The following CDC73 variants were observed in gnomAD, a reference collection of about 807,000 sequenced individuals.
The protein encoded by CDC73 is parafibromin.
CDC73 carries 21 observed loss-of-function variants against 83.7 expected under a neutral mutation model. The ratio of observed to expected loss-of-function variants is 0.25; its 90% CI spans 0.18 to 0.36. CDC73 has a LOEUF of 0.36. Ranked by LOEUF, CDC73 falls within the 10% of genes least tolerant of loss-of-function variation. The probability of loss-of-function intolerance (pLI) is 1.00; values close to 1 mark genes in which losing one functional copy is unlikely to be tolerated. For missense variants in CDC73, 342 were observed against 653.3 expected, an observed-to-expected ratio of 0.52 and a Z score of 5.19; for synonymous variants, 224 against 212.9, an observed-to-expected ratio of 1.05 and a Z score of -0.45.
chr1:193,210,631 G>A (rs929122447), intron 11 of CDC73, among the ~76,000 whole-genome samples: 24 of 152,132 alleles, frequency 1.6e-4, no homozygotes, highest in African/African-American at 5.3e-4. Flanking sequence ...GCTCACCTGT[G>A]TAATCCCAGC....
At chr1:193,167,970 C>T (rs1056949658) in intron 10 of CDC73, among the ~76,000 whole-genome samples, 3 of 152,084 alleles carry the variant, frequency 2.0e-5, no homozygotes, top group Admixed American at 1.3e-4. Context: ...AAGCAGTTCT[C>T]CTGCCTCAGC....
chr1:193,136,997 T>C (rs1375767171), intron 5 of CDC73, among the ~76,000 whole-genome samples: 1 of 152,092 alleles, frequency 6.6e-6, no homozygotes. Flanking sequence ...TTTTTCCAAA[T>C]CATTTGTGGG....
intron 10 of CDC73, among the ~76,000 whole-genome samples, chr1:193,193,864 A>G (rs192672965): frequency 2.0e-5 from 3 of 151,510 alleles, no homozygotes. Flanking sequence ...GTAGTTAAGT[A>G]TACATACAGA....
At position 193,170,623 on chromosome 1, in the gene CDC73, TTTG is replaced by T. The variant is rs571750362; in HGVS notation, c.972+18194_972+18196del. On this transcript the variant is annotated intron_variant, in intron 10 of 16. Transcript: ENST00000367435. Reference sequence around the variant, plus strand: ...GCCCTTTGCCTACTTTTTAATGATTTTTGTTGTTGTTGTTGTTTATTTGTTTAA... The same window carrying T: ...GCCCTTTGCCTACTTTTTAATGATTTTTGTTGTTGTTGTTTATTTGTTTAA... Among the ~76,000 whole-genome samples, 67 of 152,272 alleles carry T rather than the reference TTTG, an allele frequency of 4.4e-4. 1 individual carries two copies. The highest frequency in any genetic ancestry group is 1.7e-3 in the East Asian group (9 of 5,182).
chr1:193,145,233 A>C (rs1041486657), intron 7 of CDC73, among the ~76,000 whole-genome samples: 3 of 152,210 alleles, frequency 2.0e-5, no homozygotes, highest in African/African-American at 7.2e-5. Flanking sequence ...CAAAAAGTTT[A>C]TGGATGTGGT....
chr1:193,176,191 G>A (rs1030099044), intron 10 of CDC73, among the ~76,000 whole-genome samples: 4 of 152,134 alleles, frequency 2.6e-5, no homozygotes, highest in African/African-American at 7.2e-5. Flanking sequence ...AGTTTTTGTG[G>A]TTACTTTTGG....
chr1:193,163,774 ATAG>A (rs1676384759), intron 10 of CDC73, among the ~76,000 whole-genome samples: 2 of 152,098 alleles, frequency 1.3e-5, no homozygotes, highest in East Asian at 3.9e-4. Context: ...AGGCTATAGT[ATAG>A]TAGATTTTTT....
intron 7 of CDC73, among the ~76,000 whole-genome samples, chr1:193,147,081 C>T (rs1412915775): frequency 6.6e-6 from 1 of 152,002 alleles, no homozygotes; most frequent in East Asian, 1.9e-4. Flanking sequence ...CAAGCTCCAC[C>T]TGCTGGATTC....
chr1:193,130,506 A>G (rs1675676220), intron 3 of CDC73, among the ~76,000 whole-genome samples: 1 of 152,194 alleles, frequency 6.6e-6, no homozygotes, highest in Non-Finnish European at 1.5e-5. Flanking sequence ...TTTCTCTGAC[A>G]TCATCAGTTT....
At chr1:193,192,944 G>A (rs1676943583) in intron 10 of CDC73, among the ~76,000 whole-genome samples, 1 of 152,228 alleles carries the variant, frequency 6.6e-6, no homozygotes, top group Non-Finnish European at 1.5e-5. Context: ...ACTCTGAGCT[G>A]TTAACTCAAG....
At chr1:193,244,063 TGGG>T (rs1231296756) in intron 15 of CDC73, among the ~76,000 whole-genome samples, 7 of 152,210 alleles carry the variant, frequency 4.6e-5, no homozygotes, top group Non-Finnish European at 5.9e-5. Context: ...AGTAAAAAAT[TGGG>T]GGGAAAAAGC....
intron 13 of CDC73, among the ~76,000 whole-genome samples, chr1:193,214,545 G>A (rs922886870): frequency 1.3e-4 from 19 of 151,936 alleles, no homozygotes; most frequent in African/African-American, 3.6e-4. Flanking sequence ...GTGAAACCCC[G>A]TCTCTACTAA....
intron 10 of CDC73, among the ~76,000 whole-genome samples, chr1:193,175,996 A>G (rs1411940351): frequency 6.6e-6 from 1 of 152,168 alleles, no homozygotes; most frequent in Non-Finnish European, 1.5e-5. Context: ...AGAAGATTGT[A>G]GTTATTTTTT....
At chr1:193,203,944 A>C in intron 11 of CDC73, 92 bp downstream of exon 11, 2 of 1,009,500 alleles carry the variant, frequency 2.0e-6, no homozygotes, top group Non-Finnish European at 3.1e-6. Flanking sequence ...AACAAACTTA[A>C]ATTTTACTTA....
At chr1:193,235,505 G>T (rs553901254) in intron 14 of CDC73, among the ~76,000 whole-genome samples, 1 of 152,036 alleles carries the variant, frequency 6.6e-6, no homozygotes, top group Admixed American at 6.6e-5. Flanking sequence ...TGTTCCCACC[G>T]CTTTAGTTAT....
chr1:193,122,356 AG>A, intron 1 of CDC73, 25 bp downstream of exon 1: 2 of 1,613,808 alleles, frequency 1.2e-6, no homozygotes, highest in Non-Finnish European at 1.7e-6. Flanking sequence ...GCTGTGGCCC[AG>A]GGGTGGCAGG....
At chr1:193,193,779 TAGTGTGTG>T (rs1676957127) in intron 10 of CDC73, among the ~76,000 whole-genome samples, 12 of 105,126 alleles carry the variant, frequency 1.1e-4, no homozygotes, top group Middle Eastern at 4.3e-3. Context: ...GTCTTACTTG[TAGTGTGTG>T]TGTGTGTGTG....
intron 14 of CDC73, among the ~76,000 whole-genome samples, chr1:193,235,491 G>GA (rs1677741181): frequency 1.3e-5 from 2 of 152,096 alleles, no homozygotes; most frequent in Non-Finnish European, 2.9e-5. Context: ...TAATGTTGTT[G>GA]TTTTGTTCCC....
intron 13 of CDC73, among the ~76,000 whole-genome samples, chr1:193,216,118 T>C (rs1677362140): frequency 6.6e-6 from 1 of 152,090 alleles, no homozygotes; most frequent in South Asian, 2.1e-4. Flanking sequence ...TGAACTAAAT[T>C]GATATGTGAA....
Sources: allele counts gnomAD v4.1 joint callset (sites outside exome capture counted in the v4.1 genomes callset), GRCh38; gene constraint gnomAD v4.1.1; transcripts MANE v1.5; gene names NCBI Gene and HGNC (gene_info 2026-07-23, HGNC 2026-07-21).